KLHL8: variants seen among roughly 807,000 people sequenced by gnomAD.
The protein encoded by KLHL8 is kelch like family member 8.
KLHL8 carries 38 observed loss-of-function variants against 63.5 expected under a neutral mutation model. The observed-to-expected ratio is 0.60, with a 90% CI of 0.46 to 0.78. KLHL8 has a LOEUF of 0.78. Among genes scored for constraint, KLHL8 ranks in the 30% least tolerant of loss-of-function variants. The probability of loss-of-function intolerance (pLI) is 0.00; values close to 1 mark genes in which losing one functional copy is unlikely to be tolerated. For missense variants in KLHL8, 566 were observed against 752.4 expected (o/e 0.75, Z 2.90); for synonymous variants, 224 against 254.3 (o/e 0.88, Z 1.13).
In KLHL8 at chr4:87,178,629, A is replaced by G; in HGVS notation, c.953-9T>C. Reference sequence around the variant, plus strand: ...TACACAAAACAGCACACCTAAAGGTAAAGCCACAAAATAGAGATAAATCAT... The same window carrying G: ...TACACAAAACAGCACACCTAAAGGTGAAGCCACAAAATAGAGATAAATCAT... On this transcript the variant is annotated splice_polypyrimidine_tract_variant and intron_variant, in intron 4 of 9. Transcript: ENST00000273963. 2.6e-6 allele frequency: 4 copies of G among 1,536,970 alleles called. No homozygotes were observed. Among genetic ancestry groups the G allele is most frequent in the Non-Finnish European group, 3.5e-6 (4 of 1,147,648 alleles).
At chr4:87,236,661 G>A (rs900968744) in intron 1 of KLHL8, among the ~76,000 whole-genome samples, 6 of 109,580 alleles carry the variant, frequency 5.5e-5, no homozygotes, top group African/African-American at 2.0e-4. Flanking sequence ...TCTGTACTGT[G>A]TCTTTTTTTT....
intron 1 of KLHL8, among the ~76,000 whole-genome samples, chr4:87,215,284 C>T (rs891411528): frequency 1.3e-5 from 2 of 152,098 alleles, no homozygotes; most frequent in East Asian, 1.9e-4. Context: ...AAAGATCCAA[C>T]GTAGTGACTT....
intron 6 of KLHL8, 47 bp downstream of exon 6, chr4:87,176,710 A>G: frequency 1.8e-6 from 2 of 1,119,826 alleles, no homozygotes; most frequent in Non-Finnish European, 2.6e-6. Flanking sequence ...ATTTTAAGAA[A>G]CTTTATTTCC....
At chr4:87,180,346 A>T (rs1422635754) in intron 4 of KLHL8, among the ~76,000 whole-genome samples, 1 of 152,202 alleles carries the variant, frequency 6.6e-6, no homozygotes, top group Non-Finnish European at 1.5e-5. Flanking sequence ...TGTAAAATGA[A>T]CTGAACACCC....
chr4:87,186,255 C>T (rs1046846368), intron 2 of KLHL8, among the ~76,000 whole-genome samples: 9 of 151,848 alleles, frequency 5.9e-5, no homozygotes, highest in African/African-American at 2.2e-4. Flanking sequence ...ACCACGTTGG[C>T]CAGGTTGGTC....
intron 1 of KLHL8, among the ~76,000 whole-genome samples, chr4:87,239,535 G>A (rs1213554671): frequency 1.3e-5 from 2 of 152,172 alleles, no homozygotes; most frequent in Non-Finnish European, 2.9e-5. Context: ...GTTCCTCTCT[G>A]CTTGATAATA....
At position 87,163,673 on chromosome 4, in the gene KLHL8, A is replaced by G. The variant is rs776965217; in HGVS notation, c.1740-31T>C. On this transcript the variant is annotated intron_variant, in intron 9 of 9. Transcript: ENST00000273963. ...AAGACGGAGAAGAAAAAATGTTACA[A>G]AGCATAATTTACTTTACTCAAAATA... 3 of 1,611,616 alleles carry G rather than the reference A, an allele frequency of 1.9e-6. No homozygotes were observed. The African/African-American group carries it at 4.0e-5, about 22-fold the overall frequency.
intron 5 of KLHL8, among the ~76,000 whole-genome samples, chr4:87,178,141 T>G (rs1334462213): frequency 6.6e-6 from 1 of 152,162 alleles, no homozygotes; most frequent in African/African-American, 2.4e-5. Flanking sequence ...AAATTAATTG[T>G]ACTAATAATC....
chr4:87,213,822 T>C (rs1286815707), intron 1 of KLHL8, among the ~76,000 whole-genome samples: 3 of 152,288 alleles, frequency 2.0e-5, no homozygotes, highest in East Asian at 3.9e-4. Flanking sequence ...TTTTGAGAGA[T>C]ATCTGTCAGC....
chr4:87,215,600 A>G (rs1732564273), intron 1 of KLHL8, among the ~76,000 whole-genome samples: 1 of 152,212 alleles, frequency 6.6e-6, no homozygotes, highest in Admixed American at 6.5e-5. Flanking sequence ...TGGGAATGCT[A>G]CTAGTAACTG....
At chr4:87,216,552 A>C (rs1027961553) in intron 1 of KLHL8, among the ~76,000 whole-genome samples, 1 of 152,190 alleles carries the variant, frequency 6.6e-6, no homozygotes, top group Non-Finnish European at 1.5e-5. Flanking sequence ...ATAAATATAC[A>C]GAGTTCACAG....
chr4:87,178,708 G>C (rs1403208893), intron 4 of KLHL8, 88 bp from the exon 5 acceptor site: 1 of 1,331,982 alleles, frequency 7.5e-7, no homozygotes, highest in African/African-American at 1.5e-5. Flanking sequence ...AAAGCAAAAA[G>C]ACAAAAAAAA....
At chr4:87,167,978 T>TA (rs1384387087) in intron 8 of KLHL8, among the ~76,000 whole-genome samples, 1 of 152,152 alleles carries the variant, frequency 6.6e-6, no homozygotes, top group Admixed American at 6.5e-5. Context: ...CAGCCTAAAA[T>TA]ATGCTAACTT....
intron 4 of KLHL8, among the ~76,000 whole-genome samples, chr4:87,181,191 T>C (rs1283957550): frequency 3.3e-5 from 5 of 149,528 alleles, no homozygotes; most frequent in African/African-American, 1.2e-4. Flanking sequence ...CTTTGGGAGG[T>C]TGAGGTGGGT....
rs150397059 is a variant in KLHL8 at position 87,235,350 on chromosome 4, G to A, written n.57+4908C>T. Among the ~76,000 whole-genome samples, 823 of 152,240 alleles carry A rather than the reference G, an allele frequency of 5.4e-3. 5 individuals carry two copies. Among genetic ancestry groups the A allele is most frequent in the Middle Eastern group, 0.024 (7 of 294 alleles). On this transcript the variant is annotated intron_variant and non_coding_transcript_variant, in intron 1 of 1. Coordinates refer to the KLHL8 transcript ENST00000506274. Reference sequence around the variant, plus strand: ...TACCACCGTATTCTAGTTGCCTACAGTATTCAGTCCAGTAACATGCCATGT... The same window carrying A: ...TACCACCGTATTCTAGTTGCCTACAATATTCAGTCCAGTAACATGCCATGT...
intron 6 of KLHL8, among the ~76,000 whole-genome samples, chr4:87,174,708 A>C (rs540084826): frequency 1.3e-5 from 2 of 152,344 alleles, no homozygotes; most frequent in South Asian, 4.1e-4. Context: ...ATCTAGTTTT[A>C]TACAAATTAT....
intron 2 of KLHL8, among the ~76,000 whole-genome samples, chr4:87,188,543 C>A (rs1489435344): frequency 6.6e-6 from 1 of 152,168 alleles, no homozygotes; most frequent in African/African-American, 2.4e-5. Flanking sequence ...AACACATACA[C>A]CCCTATGTAC....
chr4:87,178,541 G>GT lies in KLHL8; in HGVS notation c.1031dup (p.Asn344LysfsTer11). The GT allele has an allele frequency of 1.2e-6, 2 of 1,612,130 alleles. No individual in the cohort carries two copies. The highest frequency in any genetic ancestry group is 1.7e-6 in the Non-Finnish European group (2 of 1,179,648). Reference sequence around the variant, plus strand: ...TCATTTCTGGTCCAAAGAACCAACTGTTTTTGTTGATAGAATAGCATTCAA... The same window carrying GT: ...TCATTTCTGGTCCAAAGAACCAACTGTTTTTTGTTGATAGAATAGCATTCAA... On this transcript the variant is annotated frameshift_variant, in exon 5 of 10. Transcript: ENST00000273963. LOFTEE classifies it high-confidence loss of function.
At chr4:87,233,785 C>T (rs1451089401) in intron 1 of KLHL8, among the ~76,000 whole-genome samples, 2 of 152,092 alleles carry the variant, frequency 1.3e-5, no homozygotes, top group African/African-American at 2.4e-5. Flanking sequence ...ACCACTTATG[C>T]CTACAAAATC....
Sources: allele counts gnomAD v4.1 joint callset (sites outside exome capture counted in the v4.1 genomes callset), GRCh38; gene constraint gnomAD v4.1.1; transcripts MANE v1.5; gene names NCBI Gene and HGNC (gene_info 2026-07-23, HGNC 2026-07-21).